PSME4: variants seen among roughly 807,000 people sequenced by gnomAD.
PSME4 encodes proteasome activator subunit 4, also known as proteasome activator complex subunit 4.
PSME4 carries 89 observed loss-of-function variants against 253.9 expected under a neutral mutation model. The ratio of observed to expected loss-of-function variants is 0.35; its 90% confidence interval spans 0.30 to 0.42. The LOEUF (loss-of-function observed/expected upper bound fraction) is 0.42. Ranked by LOEUF, PSME4 falls within the 10% of genes least tolerant of loss-of-function variation. PSME4 has a pLI of 1.00. For synonymous variants in PSME4, 851 were observed against 759.2 expected (o/e 1.12, Z -1.99); for missense variants, 2,014 against 2,195.2 (o/e 0.92, Z 1.65).
intron 41 of PSME4, among the ~76,000 whole-genome samples, chr2:53,882,934 A>G (rs1679464889): frequency 1.3e-5 from 2 of 152,036 alleles, no homozygotes; most frequent in African/African-American, 4.8e-5. Flanking sequence ...AAATATAAAT[A>G]AAACTATGAA....
chr2:53,907,840 T>A (rs1423783914), intron 24 of PSME4: 1 of 152,942 alleles, frequency 6.5e-6, no homozygotes, highest in Non-Finnish European at 1.5e-5. Context: ...TAGACTCAAT[T>A]TCAGTAAAAG....
Position 53,970,727 on chromosome 2 carries a change from C to T in PSME4, c.58G>A (p.Glu20Lys), listed in dbSNP as rs960196863. The T allele has an allele frequency of 2.9e-5, 45 of 1,547,628 alleles. No homozygotes were observed. Among genetic ancestry groups the T allele is most frequent in the African/African-American group, 2.7e-4 (20 of 73,078 alleles). The change falls in exon 1 of 47, where the codon GAG becomes AAG. Residue 20 changes from glutamate to lysine, a missense_variant. This residue lies in a region of PSME4 where 615 missense variants were observed against 594.4 expected (regional missense o/e 1.03). Coordinates refer to ENST00000404125, the MANE Select transcript of PSME4 (RefSeq NM_014614.3). ...GGGACGAAGCCCCGCGGGCCCGGCT[C>T]GGGACGCCCGCCCGGCTCCGGGGGC... ...GEPPEPGGRP[E>K]PGPRGFVPQK...
intron 3 of PSME4, among the ~76,000 whole-genome samples, chr2:53,944,180 T>G (rs1669593096): frequency 6.6e-6 from 1 of 152,034 alleles, no homozygotes; most frequent in Non-Finnish European, 1.5e-5. Flanking sequence ...TTTTTTGAGA[T>G]GGGTGTCTGG....
At position 53,910,142 on chromosome 2, in the gene PSME4, C is replaced by A; in HGVS notation, c.2517-12G>T. On this transcript the variant is annotated splice_polypyrimidine_tract_variant and intron_variant, in intron 20 of 46. Transcript: ENST00000404125. ...CCATACTTGGTACTCTGTATAAAAA[C>A]AAGAGTGCTTGCATTTATTAATAAT... 1 of 1,600,368 alleles carries A rather than the reference C, an allele frequency of 6.2e-7. No individual in the cohort carries two copies. Among genetic ancestry groups the A allele is most frequent in the Non-Finnish European group, 8.6e-7 (1 of 1,167,656 alleles).
chr2:53,915,865 G>C (rs1294201469), intron 20 of PSME4, among the ~76,000 whole-genome samples: 2 of 152,110 alleles, frequency 1.3e-5, no homozygotes, highest in African/African-American at 2.4e-5. Context: ...GAGGTCAGGA[G>C]TTCGAGACCA....
chr2:53,902,264 G>A (rs1047798011), intron 27 of PSME4, among the ~76,000 whole-genome samples: 6 of 152,150 alleles, frequency 3.9e-5, no homozygotes, highest in Non-Finnish European at 5.9e-5. Context: ...GTTAACACCT[G>A]GTTGCTGAGT....
At chr2:53,899,016 A>G (rs1295723238) in intron 29 of PSME4, among the ~76,000 whole-genome samples, 1 of 151,716 alleles carries the variant, frequency 6.6e-6, no homozygotes, top group Non-Finnish European at 1.5e-5. Context: ...AAAAAAACAA[A>G]AAAAGAAAGA....
chr2:53,917,810 T>C (rs1425706768), intron 20 of PSME4, among the ~76,000 whole-genome samples: 1 of 152,238 alleles, frequency 6.6e-6, no homozygotes, highest in Non-Finnish European at 1.5e-5. Flanking sequence ...AAGCCTCTTA[T>C]TTTTAAATAT....
rs747915522 is a variant in PSME4 at position 53,892,811 on chromosome 2, T to A, written c.4188A>T (p.Glu1396Asp). The change falls in exon 36 of 47, where the codon GAA becomes GAT. Residue 1396 changes from glutamate (E) to aspartate (D), a missense_variant. Physicochemically the swap from Glu to Asp is conservative, Grantham distance 45. Around this residue, in one of 4 missense-constraint regions of PSME4, gnomAD observed 403 missense variants for 556.1 expected, o/e 0.72. Coordinates refer to ENST00000404125, the MANE Select transcript of PSME4 (RefSeq NM_014614.3). ...TGTACAAATATTAATACATCACCTT[T>A]TCAAATGTCCAGTGCTTAGAACCTC... ...LIRGSKHWTF[E>D]KVEKLWELLC... The A allele has an allele frequency of 1.9e-4, 313 of 1,609,748 alleles. No homozygotes were observed. Among genetic ancestry groups the A allele is most frequent in the Non-Finnish European group, 2.6e-4 (307 of 1,178,590 alleles).
intron 31 of PSME4, among the ~76,000 whole-genome samples, chr2:53,897,158 A>C (rs1680177700): frequency 1.4e-5 from 2 of 142,032 alleles, no homozygotes. Context: ...TTCAAATCTT[A>C]GCCTCAGGGT....
intron 1 of PSME4, among the ~76,000 whole-genome samples, chr2:53,960,673 G>T (rs1670450684): frequency 6.6e-6 from 1 of 152,152 alleles, no homozygotes; most frequent in African/African-American, 2.4e-5. Context: ...ATAAAATCTG[G>T]CTTTCTTCAC....
At chr2:53,925,450 T>C in intron 14 of PSME4, 89 bp downstream of exon 14, 3 of 1,160,304 alleles carry the variant, frequency 2.6e-6, no homozygotes, top group Non-Finnish European at 3.5e-6. Flanking sequence ...ATAAACTGCA[T>C]GATATACACA....
At chr2:53,936,979 G>T in intron 5 of PSME4, 152 bp from the exon 6 acceptor site, 1 of 566,204 alleles carries the variant, frequency 1.8e-6, no homozygotes, top group Non-Finnish European at 3.1e-6. Context: ...ATAAAACAAA[G>T]GGGTATTTCT....
At chr2:53,946,873 C>A (rs1051144625) in intron 3 of PSME4, among the ~76,000 whole-genome samples, 1 of 151,910 alleles carries the variant, frequency 6.6e-6, no homozygotes, top group Non-Finnish European at 1.5e-5. Context: ...AAGATCTTGC[C>A]ACTGCACTCC....
intron 10 of PSME4, among the ~76,000 whole-genome samples, chr2:53,928,997 C>G (rs533020249): frequency 4.6e-5 from 7 of 152,152 alleles, no homozygotes; most frequent in East Asian, 1.9e-4. Flanking sequence ...GAAACCCTGC[C>G]TCTACCATGA....
chr2:53,937,688 A>G, intron 4 of PSME4, 148 bp from the exon 5 acceptor site: 1 of 708,594 alleles, frequency 1.4e-6, no homozygotes, highest in Non-Finnish European at 2.3e-6. Context: ...ACTAACACAC[A>G]TTTTCACAAT....
At chr2:53,950,169 G>A (rs924254134) in intron 1 of PSME4, among the ~76,000 whole-genome samples, 2 of 152,014 alleles carry the variant, frequency 1.3e-5, no homozygotes, top group South Asian at 2.1e-4. Context: ...CCAGTTACTC[G>A]GGTCGGGGGC....
intron 44 of PSME4, among the ~76,000 whole-genome samples, chr2:53,868,380 A>G (rs1678675882): frequency 6.6e-6 from 1 of 150,658 alleles, no homozygotes; most frequent in South Asian, 2.1e-4. Flanking sequence ...TGAACCCAGG[A>G]GGTGGAGGTT....
chr2:53,908,522 A>C lies in PSME4; in HGVS notation c.2673T>G (p.Phe891Leu). ...DNSEDDTKSL[F>L]LIIKIIGDLL... The stretch of plus-strand genomic sequence containing the variant: ...ATGACAAATGTACCTTTATAATAAG[A>C]AACAATGACTTAGTATCATCTTCTG... Residue 891 changes from phenylalanine (F) to leucine (L), a missense_variant, in exon 23 of 47, where the codon TTT becomes TTG. By Grantham distance (22) the Phe-to-Leu change is conservative (BLOSUM62 0). Transcript: ENST00000404125. 6.2e-7 allele frequency: 1 copy of C among 1,610,106 alleles called. No homozygotes were observed. The highest frequency in any genetic ancestry group is 8.5e-7 in the Non-Finnish European group (1 of 1,177,966).
Sources: gnomAD v4.1 joint callset for allele counts (sites outside exome capture counted in the v4.1 genomes callset) on GRCh38, gnomAD v4.1.1 for gene constraint, gnomAD v4.1.1 regional missense constraint, MANE v1.5 for transcripts, NCBI Gene and HGNC (gene_info 2026-07-23, HGNC 2026-07-21) for gene names.